NT5C2: variants seen among roughly 807,000 people sequenced by gnomAD.
NT5C2 encodes 5'-nucleotidase, cytosolic II.
Under a neutral mutation model 76.1 loss-of-function variants are expected in NT5C2, and 58 were observed. The ratio of observed to expected loss-of-function variants is 0.76; its 90% CI spans 0.62 to 0.95. The LOEUF is 0.95. Ranked by LOEUF, NT5C2 falls within the 40% of genes least tolerant of loss-of-function variation. The pLI is 0.00. For missense variants in NT5C2, 478 were observed against 690.3 expected (o/e 0.69, Z 3.45); for synonymous variants, 229 against 237.4 (o/e 0.96, Z 0.32).
At chr10:103,093,745 T>TAA in intron 14 of NT5C2, 28 of 452,420 alleles carry the variant, frequency 6.2e-5, no homozygotes, top group South Asian at 1.1e-4. Context: ...CAATAGGATT[T>TAA]AAAAAAAAAA....
intron 4 of NT5C2, 108 bp downstream of exon 4, chr10:103,139,298 A>G (rs2136276959): frequency 3.3e-6 from 2 of 599,200 alleles, no homozygotes; most frequent in South Asian, 3.2e-5. Flanking sequence ...AGCTTCTGGC[A>G]GCCAAATACA....
At chr10:103,145,883 C>T (rs2081384974) in intron 3 of NT5C2, 1 of 177,816 alleles carries the variant, frequency 5.6e-6, no homozygotes, top group African/African-American at 2.4e-5. Context: ...TAAATATTAA[C>T]CATAAGAAAT....
chr10:103,178,864 C>T (rs1420407993), intron 2 of NT5C2, among the ~76,000 whole-genome samples: 1 of 150,622 alleles, frequency 6.6e-6, no homozygotes, highest in Non-Finnish European at 1.5e-5. Flanking sequence ...AGCAAGCAAC[C>T]CTTGGGGTTG....
At chr10:103,126,387 G>C (rs190553404) in intron 4 of NT5C2, among the ~76,000 whole-genome samples, 38 of 152,280 alleles carry the variant, frequency 2.5e-4, no homozygotes, top group African/African-American at 8.7e-4. Context: ...ACTTTGGGAG[G>C]CCAAGGTGGG....
chr10:103,090,871 T>C (rs2066620477), intron 17 of NT5C2, 65 bp downstream of exon 17: 6 of 1,597,678 alleles, frequency 3.8e-6, no homozygotes, highest in Middle Eastern at 1.7e-4. Flanking sequence ...CTATAATAAA[T>C]CAGGAATGTG....
At chr10:103,169,761 G>A (rs1446101684) in intron 3 of NT5C2, among the ~76,000 whole-genome samples, 9 of 152,048 alleles carry the variant, frequency 5.9e-5, no homozygotes, top group Non-Finnish European at 1.3e-4. Context: ...CAGGAGGACT[G>A]CTTGCAGCCA....
At chr10:103,147,195 G>C (rs2081624233) in intron 3 of NT5C2, among the ~76,000 whole-genome samples, 1 of 152,154 alleles carries the variant, frequency 6.6e-6, no homozygotes, top group African/African-American at 2.4e-5. Context: ...ACTCTCTTAA[G>C]AACTTTTAGT....
At chr10:103,146,044 G>T in intron 3 of NT5C2, 1 of 985,130 alleles carries the variant, frequency 1.0e-6, no homozygotes, top group East Asian at 1.1e-4. Context: ...TCTGTCACTG[G>T]TTGCCGTTTT....
chr10:103,133,488 T>C (rs2078624768), intron 4 of NT5C2, among the ~76,000 whole-genome samples: 2 of 152,172 alleles, frequency 1.3e-5, no homozygotes, highest in Non-Finnish European at 2.9e-5. Flanking sequence ...CTCGAACTCC[T>C]GACCTCAGGT....
At chr10:103,132,285 G>C (rs946780699) in intron 4 of NT5C2, among the ~76,000 whole-genome samples, 2 of 151,304 alleles carry the variant, frequency 1.3e-5, no homozygotes, top group African/African-American at 2.4e-5. Context: ...GAAGACTTAG[G>C]AACAATCACA....
intron 4 of NT5C2, among the ~76,000 whole-genome samples, chr10:103,122,869 C>A (rs1368147739): frequency 6.6e-6 from 1 of 152,168 alleles, no homozygotes; most frequent in Non-Finnish European, 1.5e-5. Context: ...TCCAACCATA[C>A]TTCTCTACAA....
intron 4 of NT5C2, among the ~76,000 whole-genome samples, chr10:103,112,195 A>G (rs1296505858): frequency 6.6e-6 from 1 of 152,222 alleles, no homozygotes; most frequent in East Asian, 1.9e-4. Flanking sequence ...AATGGTGTTT[A>G]AAATTAAACT....
At chr10:103,090,819 C>A in intron 17 of NT5C2, 32 bp from the exon 18 acceptor site, 1 of 1,609,844 alleles carries the variant, frequency 6.2e-7, no homozygotes, top group Non-Finnish European at 8.5e-7. Context: ...ATTCTTGGCT[C>A]ATTCAACAAA....
chr10:103,120,412 T>G (rs1001283583), intron 4 of NT5C2, among the ~76,000 whole-genome samples: 1 of 152,198 alleles, frequency 6.6e-6, no homozygotes, highest in Non-Finnish European at 1.5e-5. Flanking sequence ...ATCCAGAATA[T>G]ATAAAGATTA....
intron 15 of NT5C2, among the ~76,000 whole-genome samples, chr10:103,091,863 A>C (rs1362961831): frequency 6.6e-6 from 1 of 152,152 alleles, no homozygotes; most frequent in Non-Finnish European, 1.5e-5. Context: ...CACCATGATG[A>C]CAACTTTCCC....
chr10:103,122,368 G>C (rs192098055), intron 4 of NT5C2, among the ~76,000 whole-genome samples: 4 of 152,260 alleles, frequency 2.6e-5, no homozygotes, highest in East Asian at 1.9e-4. Context: ...CCCCAGGCAG[G>C]GTTTTCATTT....
intron 1 of NT5C2, among the ~76,000 whole-genome samples, chr10:103,192,778 G>A (rs2092734682): frequency 6.6e-6 from 1 of 152,342 alleles, no homozygotes; most frequent in East Asian, 1.9e-4. Flanking sequence ...GAAGCGAAAA[G>A]ACGGCCTCAG....
chr10:103,131,450 A>G (rs1053615423), intron 4 of NT5C2, among the ~76,000 whole-genome samples: 1 of 152,282 alleles, frequency 6.6e-6, no homozygotes, highest in Non-Finnish European at 1.5e-5. Context: ...GTCCTCTTTT[A>G]TAAAGGCGGA....
chr10:103,135,180 CAA>C (rs1467408533), intron 4 of NT5C2, among the ~76,000 whole-genome samples: 3 of 152,088 alleles, frequency 2.0e-5, no homozygotes, highest in Admixed American at 2.0e-4. Flanking sequence ...AATGTGAGGA[CAA>C]GAGATTTAGA....
Sources: allele counts gnomAD v4.1 joint callset (sites outside exome capture counted in the v4.1 genomes callset), GRCh38; gene constraint gnomAD v4.1.1; transcripts MANE v1.5; gene names NCBI Gene and HGNC (gene_info 2026-07-23, HGNC 2026-07-21).